Variants in HERC2 observed in about 807,000 individuals in gnomAD.
The protein encoded by HERC2 is E3 ubiquitin-protein ligase HERC2.
A neutral mutation model predicts 537.7 loss-of-function variants in HERC2; 102 were observed. The ratio of observed to expected loss-of-function variants is 0.19; its 90% CI spans 0.16 to 0.22. The LOEUF (loss-of-function observed/expected upper bound fraction) is 0.22. HERC2 is among the 10% of genes least tolerant of loss of function. HERC2 has a pLI of 1.00. For synonymous variants in HERC2, 2,224 were observed against 2,466.2 expected (o/e 0.90, Z 2.91); for missense variants, 4,236 against 6,198.2 (o/e 0.68, Z 10.63).
rs3079904 is a variant in HERC2, at chr15:28,285,803, CAAAAAA to C, written c.323-5522_323-5517del. Among the ~76,000 whole-genome samples, 17 of 72,364 alleles carry C rather than the reference CAAAAAA, an allele frequency of 2.3e-4. 2 individuals are homozygous for C. Among genetic ancestry groups the C allele is most frequent in the African/African-American group, 7.4e-4 (17 of 23,020 alleles). 47.5% of individuals were successfully genotyped at this position (72,364 alleles called of 152,430 possible). On this transcript the variant is annotated intron_variant, in intron 4 of 92. Transcript: ENST00000261609. ...GACAAACCTCTCTAAGCATGACTGA[CAAAAAA>C]AAAAAAAAAAGACATAAATTACCAA...
chr15:28,198,487 A>G lies in HERC2; in HGVS notation c.7902T>C (p.Ser2634=). The part of the protein sequence containing the change: ...HVELIGYPPP[S]SSSHIKIGDK... ...CACCAATCTTGATGTGAGAAGAAGA[A>G]CTTGGTGGAGGATAGCCTACAGATG... Residue 2634 remains serine (S), a synonymous_variant, in exon 50 of 93, where the codon AGT becomes AGC. Transcript: ENST00000261609. 6.2e-7 allele frequency: 1 copy of G among 1,614,136 alleles called. No homozygotes were observed. The highest frequency in any genetic ancestry group is 1.1e-5 in the South Asian group (1 of 91,056).
rs200818684 is a variant in HERC2, at chr15:28,245,949, C to T, written c.3509G>A (p.Arg1170Gln). 32 of 1,613,976 alleles carry T rather than the reference C, an allele frequency of 2.0e-5. No individual in the cohort carries two copies. The highest frequency in any genetic ancestry group is 2.5e-5 in the Non-Finnish European group (29 of 1,180,026). ...CTTTCCTGGTGCCAGATGGTTGAAC[C>T]GATCCAGATGTTCCAACAGGCCACC... is the stretch of plus-strand genomic sequence containing the variant. ...LLGGLLEHLDRFNHLAPGKER... is the reference protein window; with the variant it reads ...LLGGLLEHLDQFNHLAPGKER... Residue 1170 changes from arginine to glutamine, a missense_variant, in exon 23 of 93, where the codon CGG becomes CAG. Coordinates refer to ENST00000261609, the MANE Select transcript of HERC2 (RefSeq NM_004667.6).
At chr15:28,296,478 GA>G (rs1350945848) in intron 3 of HERC2, among the ~76,000 whole-genome samples, 1 of 151,632 alleles carries the variant, frequency 6.6e-6, no homozygotes, top group African/African-American at 2.4e-5. Context: ...CTCTCGAGAG[GA>G]AAAAACACAC....
intron 86 of HERC2, among the ~76,000 whole-genome samples, chr15:28,120,410 T>C (rs1160164921): frequency 6.6e-6 from 1 of 152,152 alleles, no homozygotes; most frequent in African/African-American, 2.4e-5. Context: ...AACAAAGAAT[T>C]TGTTCTTCAT....
intron 57 of HERC2, 144 bp downstream of exon 57, chr15:28,182,257 T>G: frequency 1.9e-6 from 1 of 540,294 alleles, no homozygotes; most frequent in African/African-American, 1.9e-5. Flanking sequence ...GGAGAGACGC[T>G]TCTGAGGGGT....
Position 28,215,778 on chromosome 15 carries a change from C to T in HERC2, c.6053G>A (p.Arg2018Lys), listed in dbSNP as rs375601111. 1 of 1,611,428 alleles carries T rather than the reference C, an allele frequency of 6.2e-7. No homozygotes were observed. Among genetic ancestry groups the T allele is most frequent in the Non-Finnish European group, 8.5e-7 (1 of 1,179,524 alleles). ...CGTGCACCAGCTCCGGTGTTGCTCC[C>T]TGTACACCAGCCTGTTTGGAGAAGC... ...KTSSPNRLVY[R>K]EQHRSWCTLG... Residue 2018 changes from arginine to lysine, a missense_variant, in exon 39 of 93, where the codon AGG (arginine) becomes AAG (lysine). Physicochemically the swap from Arg to Lys is conservative, Grantham distance 26. Transcript: ENST00000261609.
intron 4 of HERC2, among the ~76,000 whole-genome samples, chr15:28,291,192 T>C (rs1177199853): frequency 6.6e-6 from 1 of 152,176 alleles, no homozygotes; most frequent in Non-Finnish European, 1.5e-5. Context: ...GCTGATCCTA[T>C]AATAACCTAC....
At position 28,226,991 on chromosome 15, in the gene HERC2, C is replaced by G. The variant is rs1049104930; in HGVS notation, c.5464+1227G>C. On this transcript the variant is annotated intron_variant, in intron 35 of 92. Transcript: ENST00000261609. ...GACAACCCTATTTAAAAAGGAGAAA[C>G]GGGCTGGGCGCAGTGGCTCACGCCT... 1.8e-4 allele frequency among the ~76,000 whole-genome samples: 27 copies of G among 152,120 alleles called. 1 individual carries two copies. Among genetic ancestry groups the G allele is most frequent in the Admixed American group, 1.5e-3 (23 of 15,274 alleles).
At chr15:28,215,041 A>T (rs1899738818) in intron 39 of HERC2, among the ~76,000 whole-genome samples, 3 of 150,252 alleles carry the variant, frequency 2.0e-5, no homozygotes, top group Non-Finnish European at 4.4e-5. Context: ...AGCCCGGCTC[A>T]TTTTTTTTTG....
intron 7 of HERC2, 63 bp from the exon 8 acceptor site, chr15:28,273,067 C>G: frequency 8.8e-7 from 1 of 1,137,676 alleles, no homozygotes; most frequent in Non-Finnish European, 1.3e-6. Flanking sequence ...TGCTTACAAT[C>G]ACACTAACAC....
At chr15:28,193,530 A>C (rs554829522) in intron 52 of HERC2, among the ~76,000 whole-genome samples, 20 of 152,188 alleles carry the variant, frequency 1.3e-4, no homozygotes, top group Admixed American at 3.3e-4. Flanking sequence ...AAGATAGAAA[A>C]GAGAATAGAG....
At chr15:28,200,870 C>T (rs1203552535) in intron 48 of HERC2, among the ~76,000 whole-genome samples, 1 of 139,988 alleles carries the variant, frequency 7.1e-6, no homozygotes, top group Non-Finnish European at 1.5e-5. Flanking sequence ...CTAAAATATA[C>T]TAAAACAAGA....
rs765482113 is a variant in HERC2, at chr15:28,263,052, C to T, written c.1988G>A (p.Arg663His). ...AGCAATGGAAAACTGACTTCCACAG[C>T]GGACTTTGACCACATCCAAGTCTTG... Reference protein sequence around the residue: ...KLQDLDVVKVRCGSQFSIALT... With the variant: ...KLQDLDVVKVHCGSQFSIALT... Residue 663 changes from arginine to histidine, a missense_variant, in exon 15 of 93, where the codon CGC becomes CAC. Physicochemically the swap from Arg to His is conservative, Grantham distance 29. Coordinates refer to ENST00000261609, the MANE Select transcript of HERC2 (RefSeq NM_004667.6). 5 of 1,614,184 alleles carry T rather than the reference C, an allele frequency of 3.1e-6. No homozygotes were observed. The highest frequency in any genetic ancestry group is 4.5e-5 in the East Asian group (2 of 44,874).
chr15:28,170,460 T>C (rs1894580703), intron 65 of HERC2, among the ~76,000 whole-genome samples: 1 of 152,178 alleles, frequency 6.6e-6, no homozygotes, highest in Non-Finnish European at 1.5e-5. Flanking sequence ...TGGACGTCTG[T>C]GGGCAAAAAA....
At chr15:28,269,107 A>G (rs1229081818) in intron 11 of HERC2, 141 bp downstream of exon 11, 1 of 643,996 alleles carries the variant, frequency 1.6e-6, no homozygotes, top group African/African-American at 1.8e-5. Context: ...AACTGAGATC[A>G]TTAAACATAA....
intron 5 of HERC2, among the ~76,000 whole-genome samples, chr15:28,276,687 G>A (rs931503663): frequency 4.6e-5 from 7 of 151,256 alleles, no homozygotes; most frequent in South Asian, 4.2e-4. Context: ...AGCCAAGATC[G>A]CACCACTGCA....
intron 2 of HERC2, among the ~76,000 whole-genome samples, chr15:28,304,338 T>C (rs1418367646): frequency 1.3e-5 from 2 of 151,934 alleles, no homozygotes; most frequent in African/African-American, 4.8e-5. Context: ...GGCATCTTCA[T>C]TTCCAATTTG....
rs1404591982 is a variant in HERC2, at chr15:28,245,916, T to G, written c.3542A>C (p.Asp1181Ala). Reference sequence around the variant, plus strand: ...AGGCCAGGCTAACTCTTCATGATCATCCCGTTCCTTTCCTGGTGCCAGATG... The same window carrying G: ...AGGCCAGGCTAACTCTTCATGATCAGCCCGTTCCTTTCCTGGTGCCAGATG... The part of the protein sequence containing the change: ...FNHLAPGKER[D>A]DHEELAWPGI... Residue 1181 changes from aspartate (D) to alanine (A), a missense_variant, in exon 23 of 93, where the codon GAT (aspartate) becomes GCT (alanine). Physicochemically the swap from Asp to Ala is moderately radical, Grantham distance 126 (BLOSUM62 -2). Around this residue, in one of 27 missense-constraint regions of HERC2, gnomAD observed 754 missense variants for 1,085.0 expected, o/e 0.69. Transcript: ENST00000261609. The G allele has an allele frequency of 6.2e-7, 1 of 1,613,932 alleles. No individual in the cohort carries two copies. Among genetic ancestry groups the G allele is most frequent in the Non-Finnish European group, 8.5e-7 (1 of 1,179,992 alleles).
At chr15:28,301,265 A>C (rs550956536) in intron 2 of HERC2, among the ~76,000 whole-genome samples, 2,991 of 151,948 alleles carry the variant, frequency 0.02, 10 homozygotes, top group African/African-American at 0.068. Flanking sequence ...AAATACAAAA[A>C]TTAGCTGGGC....
Sources: allele counts gnomAD v4.1 joint callset (sites outside exome capture counted in the v4.1 genomes callset), GRCh38; gene constraint gnomAD v4.1.1; regional missense constraint gnomAD v4.1.1; transcripts MANE v1.5; gene names NCBI Gene and HGNC (gene_info 2026-07-23, HGNC 2026-07-21).